The following MITF variants were observed in gnomAD, a reference collection of about 807,000 sequenced individuals.
MITF encodes the protein melanocyte inducing transcription factor.
MITF carries 17 observed loss-of-function variants against 60.5 expected under a neutral mutation model. That is an observed-to-expected ratio of 0.28 (90% confidence interval 0.19 to 0.42). The LOEUF is 0.42. MITF is among the 10% of genes least tolerant of loss of function. MITF has a pLI of 1.00. For missense variants in MITF, 622 were observed against 683.5 expected (o/e 0.91, Z 1.00); for synonymous variants, 260 against 248.5 (o/e 1.05, Z -0.43).
At chr3:69,822,047 C>A (rs1470851592) in intron 1 of MITF, among the ~76,000 whole-genome samples, 1 of 152,160 alleles carries the variant, frequency 6.6e-6, no homozygotes, top group Non-Finnish European at 1.5e-5. Flanking sequence ...CCAGCCCAAA[C>A]TGGATTTTCT....
chr3:69,887,015 G>A (rs549684518), intron 2 of MITF, among the ~76,000 whole-genome samples: 20 of 152,088 alleles, frequency 1.3e-4, no homozygotes, highest in Admixed American at 3.3e-4. Context: ...ATTTTCTTCT[G>A]AAATTATGTT....
chr3:69,881,305 C>T (rs2064482076), intron 2 of MITF, among the ~76,000 whole-genome samples: 1 of 151,946 alleles, frequency 6.6e-6, no homozygotes, highest in Non-Finnish European at 1.5e-5. Context: ...TAGTTCCTGT[C>T]TATTTAACTT....
chr3:69,870,651 T>A (rs2064217726), intron 1 of MITF, among the ~76,000 whole-genome samples: 1 of 151,944 alleles, frequency 6.6e-6, no homozygotes, highest in African/African-American at 2.4e-5. Context: ...GCCAGGATGG[T>A]CTCCATCTCT....
intron 1 of MITF, among the ~76,000 whole-genome samples, chr3:69,788,023 G>T (rs773910119): frequency 6.6e-6 from 1 of 152,030 alleles, no homozygotes. Flanking sequence ...AGAAAACTGA[G>T]GTTAAATAAG....
chr3:69,870,320 G>GTGTA (rs1553691665), intron 1 of MITF, among the ~76,000 whole-genome samples: 2 of 146,982 alleles, frequency 1.4e-5, no homozygotes, highest in African/African-American at 5.0e-5. Context: ...ATATATACAT[G>GTGTA]TATATATACA....
intron 1 of MITF, among the ~76,000 whole-genome samples, chr3:69,768,954 G>T (rs939400801): frequency 6.6e-6 from 1 of 152,182 alleles, no homozygotes; most frequent in Non-Finnish European, 1.5e-5. Flanking sequence ...ATGATTTGGA[G>T]AGGCAATAGC....
At chr3:69,854,130 G>A (rs997579029) in intron 1 of MITF, among the ~76,000 whole-genome samples, 1 of 152,092 alleles carries the variant, frequency 6.6e-6, no homozygotes, top group African/African-American at 2.4e-5. Context: ...TTACAGGCGT[G>A]AGCCACCGAG....
chr3:69,938,954 C>T (rs1209359573), intron 3 of MITF, 144 bp from the exon 4 acceptor site: 1 of 1,524,276 alleles, frequency 6.6e-7, no homozygotes, highest in East Asian at 2.5e-5. Context: ...GTTCTTCCTT[C>T]ATTATTTCAT....
intron 2 of MITF, among the ~76,000 whole-genome samples, chr3:69,899,110 C>T (rs927131454): frequency 2.6e-5 from 4 of 152,060 alleles, no homozygotes; most frequent in African/African-American, 7.2e-5. Flanking sequence ...GTGTTTGGGC[C>T]GGGAAGAGTT....
chr3:69,802,175 G>GT (rs962672921), intron 1 of MITF, among the ~76,000 whole-genome samples: 12 of 152,134 alleles, frequency 7.9e-5, no homozygotes, highest in African/African-American at 2.7e-4. Flanking sequence ...CTGGAGAGCT[G>GT]TTTTTGGTGG....
chr3:69,919,895 C>T (rs1298543418), intron 2 of MITF, among the ~76,000 whole-genome samples: 2 of 151,634 alleles, frequency 1.3e-5, no homozygotes, highest in Non-Finnish European at 2.9e-5. Context: ...CAGCAAGCCA[C>T]CCAGGCGCCA....
Position 69,965,305 on chromosome 3 carries a change from T to A in MITF, c.*57T>A, listed in dbSNP as rs1428318534. ...TGCTTCCTTTCTTGATTCGTAGATT[T>A]AATAACTTACCTGAAGGGGTTTTCT... On this transcript the variant is annotated 3_prime_UTR_variant, in exon 10 of 10. Transcript: ENST00000352241. 6.3e-7 allele frequency: 1 copy of A among 1,585,872 alleles called. No homozygotes were observed. The highest frequency in any genetic ancestry group is 8.6e-7 in the Non-Finnish European group (1 of 1,158,614).
chr3:69,833,738 T>C (rs2063493357), intron 1 of MITF, among the ~76,000 whole-genome samples: 1 of 152,218 alleles, frequency 6.6e-6, no homozygotes, highest in Non-Finnish European at 1.5e-5. Flanking sequence ...CTTTTTTCTC[T>C]GTTTACACTA....
At chr3:69,797,051 A>G (rs1293435139) in intron 1 of MITF, among the ~76,000 whole-genome samples, 1 of 152,230 alleles carries the variant, frequency 6.6e-6, no homozygotes, top group African/African-American at 2.4e-5. Context: ...AACATCTACT[A>G]TTCTAAGTTT....
At chr3:69,877,925 C>G (rs548718138) in intron 1 of MITF, among the ~76,000 whole-genome samples, 9 of 152,300 alleles carry the variant, frequency 5.9e-5, no homozygotes, top group Admixed American at 5.2e-4. Flanking sequence ...TCCTTTTCTT[C>G]TGTTCCAGGT....
intron 1 of MITF, among the ~76,000 whole-genome samples, chr3:69,873,001 G>A (rs1367107924): frequency 6.6e-6 from 1 of 152,018 alleles, no homozygotes; most frequent in African/African-American, 2.4e-5. Context: ...GTAAGCCTTT[G>A]TATTTTAGCT....
At chr3:69,870,162 CA>C (rs540814984) in intron 1 of MITF, among the ~76,000 whole-genome samples, 1,606 of 109,788 alleles carry the variant, frequency 0.015, 10 homozygotes, top group African/African-American at 0.017. Context: ...AAAAAACAGG[CA>C]AAAAAAAAAA....
At chr3:69,750,798 G>A (rs1314396681) in intron 1 of MITF, among the ~76,000 whole-genome samples, 1 of 152,124 alleles carries the variant, frequency 6.6e-6, no homozygotes, top group Non-Finnish European at 1.5e-5. Context: ...ATGGTGTTGG[G>A]AGTGGGGGTG....
intron 1 of MITF, among the ~76,000 whole-genome samples, chr3:69,826,276 T>C (rs988838569): frequency 1.3e-5 from 2 of 152,222 alleles, no homozygotes; most frequent in African/African-American, 4.8e-5. Context: ...TCTTGTCCTT[T>C]ATAGAAATGG....
Sources: gnomAD v4.1 joint callset for allele counts (sites outside exome capture counted in the v4.1 genomes callset) on GRCh38, gnomAD v4.1.1 for gene constraint, MANE v1.5 for transcripts, NCBI Gene and HGNC (gene_info 2026-07-23, HGNC 2026-07-21) for gene names.